Variants in TBCK observed in about 807,000 individuals in gnomAD.
TBCK encodes the protein TBC domain-containing protein kinase-like protein.
Under a neutral mutation model 113.4 loss-of-function variants are expected in TBCK, and 99 were observed. The ratio of observed to expected loss-of-function variants is 0.87; its 90% CI spans 0.74 to 1.03. The LOEUF (loss-of-function observed/expected upper bound fraction) is 1.03, where lower values mean the gene tolerates loss of function less well. Among genes scored for constraint, TBCK ranks in the 50% least tolerant of loss-of-function variants. The probability of loss-of-function intolerance (pLI) is 0.00; values close to 1 mark genes in which losing one functional copy is unlikely to be tolerated. For synonymous variants in TBCK, 369 were observed against 370.8 expected (o/e 1.00, Z 0.05); for missense variants, 1,045 against 1,061.3 (o/e 0.98, Z 0.21).
At chr4:106,253,805 G>C (rs1761685227) in intron 5 of TBCK, among the ~76,000 whole-genome samples, 1 of 152,148 alleles carries the variant, frequency 6.6e-6, no homozygotes, top group African/African-American at 2.4e-5. Flanking sequence ...GGGTCCCCAA[G>C]ACCACTCTCA....
intron 23 of TBCK, among the ~76,000 whole-genome samples, chr4:106,163,818 G>C (rs1750071474): frequency 6.6e-6 from 1 of 152,040 alleles, no homozygotes; most frequent in Non-Finnish European, 1.5e-5. Context: ...CTTTGGGTGG[G>C]AACACAGTCA....
chr4:106,063,264 A>G (rs899839172), intron 25 of TBCK, among the ~76,000 whole-genome samples: 1 of 152,044 alleles, frequency 6.6e-6, no homozygotes, highest in Non-Finnish European at 1.5e-5. Flanking sequence ...AACAAGATCA[A>G]GAAAGAATTC....
intron 12 of TBCK, among the ~76,000 whole-genome samples, chr4:106,238,288 T>C (rs571658873): frequency 2.0e-5 from 3 of 152,274 alleles, no homozygotes; most frequent in Non-Finnish European, 4.4e-5. Context: ...GGAATAGTTA[T>C]ATATTTTAAT....
intron 23 of TBCK, among the ~76,000 whole-genome samples, chr4:106,124,548 A>C (rs1744902520): frequency 6.6e-6 from 1 of 152,160 alleles, no homozygotes. Flanking sequence ...AGACACATGC[A>C]CACGTATGTT....
intron 3 of TBCK, 83 bp downstream of exon 3, chr4:106,295,011 C>T: frequency 2.7e-6 from 3 of 1,127,458 alleles, no homozygotes; most frequent in Non-Finnish European, 3.8e-6. Context: ...ACAAAAGAAA[C>T]CAAACCCCTG....
chr4:106,053,895 C>G (rs559599318), intron 25 of TBCK, among the ~76,000 whole-genome samples: 1 of 151,732 alleles, frequency 6.6e-6, no homozygotes, highest in East Asian at 1.9e-4. Flanking sequence ...TATCCTGTAA[C>G]TTTCAAAACA....
At chr4:106,227,943 A>G (rs984169351) in intron 19 of TBCK, among the ~76,000 whole-genome samples, 1 of 152,028 alleles carries the variant, frequency 6.6e-6, no homozygotes, top group Non-Finnish European at 1.5e-5. Flanking sequence ...GAATATTTCT[A>G]TGTACCAGAA....
intron 3 of TBCK, among the ~76,000 whole-genome samples, chr4:106,270,113 T>C (rs973262499): frequency 1.3e-5 from 2 of 152,178 alleles, no homozygotes; most frequent in African/African-American, 4.8e-5. Flanking sequence ...CAAGTCTCCC[T>C]CAAAAATCCC....
intron 24 of TBCK, among the ~76,000 whole-genome samples, chr4:106,098,531 T>C (rs1479212225): frequency 6.6e-6 from 1 of 152,026 alleles, no homozygotes; most frequent in African/African-American, 2.4e-5. Context: ...CCAGTGTTCA[T>C]AGGAAATTAG....
rs2125894461 is a variant in TBCK at position 106,308,870 on chromosome 4, G to A, written c.91C>T (p.Leu31Phe). Residue 31 changes from leucine to phenylalanine, a missense_variant, in exon 2 of 26, where the codon CTC (leucine) becomes TTC (phenylalanine). Physicochemically the swap from Leu to Phe is conservative, Grantham distance 22. Coordinates refer to ENST00000394708, the MANE Select transcript of TBCK (RefSeq NM_001163435.3). ...AAAATTTTGATGGAATTTGGTGTGA[G>A]AGGAAGTCCATTGCTTCCACAAACA... ...HDVCGSNGLPLTPNSIKILGR... is the reference protein window; with the variant it reads ...HDVCGSNGLPFTPNSIKILGR... 6.2e-7 allele frequency: 1 copy of A among 1,614,168 alleles called. No homozygotes were observed. The highest frequency in any genetic ancestry group is 8.5e-7 in the Non-Finnish European group (1 of 1,180,012).
At chr4:106,250,622 C>T (rs1430563679) in intron 6 of TBCK, 144 bp from the exon 7 acceptor site, 1 of 537,798 alleles carries the variant, frequency 1.9e-6, no homozygotes, top group Non-Finnish European at 3.3e-6. Context: ...AAAGTCAGCT[C>T]CACTAAAGAA....
At chr4:106,068,546 C>T (rs1317570443) in intron 25 of TBCK, among the ~76,000 whole-genome samples, 2 of 152,146 alleles carry the variant, frequency 1.3e-5, no homozygotes, top group East Asian at 3.8e-4. Context: ...TCCAGTCTAT[C>T]ATTGATGGAT....
chr4:106,248,852 T>C (rs945460778), intron 8 of TBCK, 69 bp downstream of exon 8: 20 of 1,291,340 alleles, frequency 1.5e-5, no homozygotes, highest in African/African-American at 1.2e-4. Flanking sequence ...TTTGTCTTTA[T>C]AAGTTACCCA....
intron 20 of TBCK, among the ~76,000 whole-genome samples, chr4:106,212,483 C>T (rs1435310181): frequency 6.6e-6 from 1 of 152,078 alleles, no homozygotes; most frequent in Non-Finnish European, 1.5e-5. Context: ...AAGTGAAAAG[C>T]CTACACAGCA....
At position 106,135,900 on chromosome 4, in the gene TBCK, G is replaced by A. The variant is rs975883710; in HGVS notation, c.2236-19522C>T. ...CAGATTATGAGATCTCTGAAAGACA[G>A]AGAAGTCTGAGGATATAGATCAAAC... On this transcript the variant is annotated intron_variant, in intron 23 of 25. Coordinates refer to ENST00000394708, the MANE Select transcript of TBCK (RefSeq NM_001163435.3). 6.4e-5 allele frequency among the ~76,000 whole-genome samples: 9 copies of A among 141,404 alleles called. 2 individuals carry two copies. Among genetic ancestry groups the A allele is most frequent in the Non-Finnish European group, 1.3e-4 (8 of 62,254 alleles). 92.8% of individuals were successfully genotyped at this position (141,404 alleles called of 152,430 possible).
intron 25 of TBCK, among the ~76,000 whole-genome samples, chr4:106,049,865 C>T (rs2149443607): frequency 6.6e-6 from 1 of 152,150 alleles, no homozygotes; most frequent in East Asian, 1.9e-4. Context: ...TGGGACAGAT[C>T]TCTGACATCA....
At chr4:106,123,711 C>T (rs1286141312) in intron 23 of TBCK, among the ~76,000 whole-genome samples, 3 of 151,904 alleles carry the variant, frequency 2.0e-5, no homozygotes, top group South Asian at 2.1e-4. Flanking sequence ...TCTACAACTA[C>T]CTGATCTTTG....
At chr4:106,120,956 G>C (rs1744271234) in intron 23 of TBCK, among the ~76,000 whole-genome samples, 2 of 152,180 alleles carry the variant, frequency 1.3e-5, no homozygotes, top group African/African-American at 4.8e-5. Context: ...ACGGAACAAA[G>C]CTGGATGGAG....
chr4:106,275,558 A>T (rs1763936744), intron 3 of TBCK, among the ~76,000 whole-genome samples: 1 of 152,210 alleles, frequency 6.6e-6, no homozygotes, highest in South Asian at 2.1e-4. Context: ...ATTTCAACTA[A>T]TAAGTAAATA....
Sources: allele counts gnomAD v4.1 joint callset (sites outside exome capture counted in the v4.1 genomes callset), GRCh38; gene constraint gnomAD v4.1.1; transcripts MANE v1.5; gene names NCBI Gene and HGNC (gene_info 2026-07-23, HGNC 2026-07-21).